Variants in LRP1B observed in about 807,000 individuals in gnomAD.
LRP1B encodes the protein low-density lipoprotein receptor-related protein 1B.
In LRP1B, 217 loss-of-function variants were observed where a neutral mutation model predicts 556.6. That is an observed-to-expected ratio of 0.39 (90% CI 0.35 to 0.44). The LOEUF (loss-of-function observed/expected upper bound fraction) is 0.44, where lower values mean the gene tolerates loss of function less well. Among genes scored for constraint, LRP1B ranks in the 20% least tolerant of loss-of-function variants. LRP1B has a pLI of 1.00. For synonymous variants in LRP1B, 2,047 were observed against 1,865.8 expected, an observed-to-expected ratio of 1.10 and a Z score of -2.50; for missense variants, 5,053 against 5,620.8, an observed-to-expected ratio of 0.90 and a Z score of 3.23.
intron 51 of LRP1B, among the ~76,000 whole-genome samples, chr2:140,511,491 C>G (rs1396563012): frequency 6.6e-6 from 1 of 151,754 alleles, no homozygotes; most frequent in Non-Finnish European, 1.5e-5. Flanking sequence ...TTAGTAGAGA[C>G]GGGGTTTCAC....
At chr2:140,895,527 G>C (rs753174831) in intron 23 of LRP1B, among the ~76,000 whole-genome samples, 2 of 152,052 alleles carry the variant, frequency 1.3e-5, no homozygotes, top group Non-Finnish European at 1.5e-5. Context: ...GCAGAACTCC[G>C]TGTGGCCCCT....
At chr2:141,242,817 C>A (rs1683927441) in intron 5 of LRP1B, among the ~76,000 whole-genome samples, 1 of 152,042 alleles carries the variant, frequency 6.6e-6, no homozygotes, top group African/African-American at 2.4e-5. Context: ...GTGGTTAGGA[C>A]ACTGAAAAGT....
intron 2 of LRP1B, among the ~76,000 whole-genome samples, chr2:141,732,376 G>A (rs1338278530): frequency 1.3e-5 from 2 of 151,844 alleles, no homozygotes; most frequent in Non-Finnish European, 2.9e-5. Flanking sequence ...TTTAAATGTG[G>A]GAGAGACATG....
chr2:141,447,106 G>T (rs912486060), intron 3 of LRP1B, among the ~76,000 whole-genome samples: 1 of 151,790 alleles, frequency 6.6e-6, no homozygotes, highest in African/African-American at 2.4e-5. Flanking sequence ...GGCTTTGTTT[G>T]TTCCTTTTCA....
intron 81 of LRP1B, among the ~76,000 whole-genome samples, 154 bp downstream of exon 81, chr2:140,323,738 TA>T (rs1267377198): frequency 6.6e-6 from 1 of 151,838 alleles, no homozygotes; most frequent in Non-Finnish European, 1.5e-5. Flanking sequence ...TATAGTTTGG[TA>T]AGTTGAAAAA....
intron 3 of LRP1B, among the ~76,000 whole-genome samples, chr2:141,313,539 C>T (rs1005435884): frequency 6.6e-6 from 1 of 152,132 alleles, no homozygotes; most frequent in Non-Finnish European, 1.5e-5. Flanking sequence ...TAAGCCAAAA[C>T]CAAAAAAGCC....
intron 63 of LRP1B, among the ~76,000 whole-genome samples, chr2:140,447,058 A>C (rs1686690909): frequency 6.6e-6 from 1 of 152,156 alleles, no homozygotes; most frequent in Non-Finnish European, 1.5e-5. Flanking sequence ...GGTATATTAA[A>C]AAATACTCAA....
chr2:141,322,813 A>G (rs1210773131), intron 3 of LRP1B, among the ~76,000 whole-genome samples: 1 of 151,956 alleles, frequency 6.6e-6, no homozygotes, highest in Non-Finnish European at 1.5e-5. Flanking sequence ...TAAATCAGCT[A>G]TTGAAGAGAT....
intron 35 of LRP1B, among the ~76,000 whole-genome samples, chr2:140,724,666 G>C (rs1055717078): frequency 5.3e-5 from 8 of 152,194 alleles, no homozygotes; most frequent in African/African-American, 1.9e-4. Context: ...CCCTTGTAGA[G>C]AAAGATGCTG....
At chr2:141,730,619 G>T (rs1693234356) in intron 2 of LRP1B, among the ~76,000 whole-genome samples, 1 of 151,982 alleles carries the variant, frequency 6.6e-6, no homozygotes, top group South Asian at 2.1e-4. Context: ...GTTTTTATGG[G>T]CACAATTTAT....
intron 42 of LRP1B, among the ~76,000 whole-genome samples, chr2:140,601,175 T>C (rs909132677): frequency 7.2e-5 from 11 of 151,964 alleles, no homozygotes; most frequent in African/African-American, 2.4e-4. Context: ...GTCTTCTTCA[T>C]AGGCCTTTTC....
At chr2:140,669,409 T>G (rs1281722058) in intron 41 of LRP1B, among the ~76,000 whole-genome samples, 2 of 152,064 alleles carry the variant, frequency 1.3e-5, no homozygotes, top group Admixed American at 1.3e-4. Flanking sequence ...GAAGACCATT[T>G]AGGAAGATTT....
Position 140,868,160 on chromosome 2 carries a change from C to A in LRP1B, c.4273G>T (p.Ala1425Ser), listed in dbSNP as rs1401870197. 1 of 1,611,508 alleles carries A rather than the reference C, an allele frequency of 6.2e-7. No homozygotes were observed. The highest frequency in any genetic ancestry group is 8.5e-7 in the Non-Finnish European group (1 of 1,178,726). ...TCCACAGTTAGTCCATTAGGCCAAG[C>A]CCCAGTTTTCATGTCTTTATAGATG... ...KTIYKDMKTG[A>S]WPNGLTVDHF... is the part of the protein sequence containing the mutation. Residue 1425 changes from alanine to serine, a missense_variant, in exon 26 of 91, where the codon GCT (alanine) becomes TCT (serine). Physicochemically the swap from Ala to Ser is moderately conservative, Grantham distance 99. Coordinates refer to ENST00000389484, the MANE Select transcript of LRP1B (RefSeq NM_018557.3).
At chr2:142,113,121 G>A (rs772598351) in intron 1 of LRP1B, among the ~76,000 whole-genome samples, 21 of 152,056 alleles carry the variant, frequency 1.4e-4, no homozygotes, top group Non-Finnish European at 2.9e-5. Flanking sequence ...AATAGACACA[G>A]AGAGAGGCTA....
chr2:140,818,934 C>A (rs1271538364), intron 31 of LRP1B, among the ~76,000 whole-genome samples: 2 of 53,280 alleles, frequency 3.8e-5, no homozygotes, highest in Non-Finnish European at 8.1e-5. Context: ...GAGACTCTGT[C>A]TCAAAAAAAA....
At chr2:140,925,088 T>G (rs145764864) in intron 20 of LRP1B, among the ~76,000 whole-genome samples, 1 of 152,204 alleles carries the variant, frequency 6.6e-6, no homozygotes, top group African/African-American at 2.4e-5. Flanking sequence ...ACAGAGATGA[T>G]TTAAAGTATA....
At chr2:141,299,315 T>C (rs1161184100) in intron 3 of LRP1B, among the ~76,000 whole-genome samples, 1 of 152,194 alleles carries the variant, frequency 6.6e-6, no homozygotes, top group Non-Finnish European at 1.5e-5. Context: ...AATTTTATAA[T>C]AACAATTGAG....
intron 12 of LRP1B, among the ~76,000 whole-genome samples, chr2:141,016,442 G>T (rs1483729988): frequency 6.6e-6 from 1 of 151,978 alleles, no homozygotes; most frequent in African/African-American, 2.4e-5. Context: ...CTGTCATATT[G>T]GGTTTGTTTG....
At position 140,462,061 on chromosome 2, in the gene LRP1B, T is replaced by C. The variant is rs545682843; in HGVS notation, c.9626-4410A>G. The stretch of plus-strand genomic sequence containing the variant: ...GTGATCCATTAAGGTCAACTTATGC[T>C]TCACCCTATGACTATGTTTGGAAAG... On this transcript the variant is annotated intron_variant, in intron 60 of 90. Coordinates refer to ENST00000389484, the MANE Select transcript of LRP1B (RefSeq NM_018557.3). Among the ~76,000 whole-genome samples the C allele has an allele frequency of 2.0e-4, 30 of 152,278 alleles. No homozygotes were observed. In the South Asian group the frequency reaches 5.0e-3, roughly 25 times the overall value.
Sources: allele counts gnomAD v4.1 joint callset (sites outside exome capture counted in the v4.1 genomes callset), GRCh38; gene constraint gnomAD v4.1.1; transcripts MANE v1.5; gene names NCBI Gene and HGNC (gene_info 2026-07-23, HGNC 2026-07-21).